Variants in KLHL32 observed in about 807,000 individuals in gnomAD.
KLHL32 encodes kelch-like protein 32.
A neutral mutation model predicts 64.8 loss-of-function variants in KLHL32; 35 were observed. That is an observed-to-expected ratio of 0.54 (90% CI 0.41 to 0.72). KLHL32 has a LOEUF of 0.72. Ranked by LOEUF, KLHL32 falls within the 30% of genes least tolerant of loss-of-function variation. KLHL32 has a pLI of 0.00. For synonymous variants in KLHL32, 259 were observed against 281.0 expected, an observed-to-expected ratio of 0.92 and a Z score of 0.78; for missense variants, 589 against 768.5, an observed-to-expected ratio of 0.77 and a Z score of 2.76.
At chr6:97,048,055 G>T (rs1786209639) in intron 4 of KLHL32, among the ~76,000 whole-genome samples, 1 of 152,146 alleles carries the variant, frequency 6.6e-6, no homozygotes, top group Non-Finnish European at 1.5e-5. Context: ...GTGGAGGAAG[G>T]GTTGAAACCT....
At chr6:96,997,109 G>T (rs542846487) in intron 3 of KLHL32, among the ~76,000 whole-genome samples, 1 of 152,128 alleles carries the variant, frequency 6.6e-6, no homozygotes, top group Non-Finnish European at 1.5e-5. Context: ...AAGGCTTGAG[G>T]TCTGGAGAGT....
At chr6:96,967,112 G>A in intron 2 of KLHL32, 29 bp downstream of exon 2, 1 of 1,606,890 alleles carries the variant, frequency 6.2e-7, no homozygotes. Flanking sequence ...GTCCTCACAT[G>A]CCGTAGTGAG....
intron 6 of KLHL32, among the ~76,000 whole-genome samples, chr6:97,087,673 T>G (rs1793626265): frequency 6.6e-6 from 1 of 152,140 alleles, no homozygotes; most frequent in South Asian, 2.1e-4. Context: ...ACCAGTAACT[T>G]AGATGAGAGC....
intron 1 of KLHL32, among the ~76,000 whole-genome samples, chr6:96,932,676 A>G (rs1262059197): frequency 6.8e-6 from 1 of 146,948 alleles, no homozygotes; most frequent in Non-Finnish European, 1.5e-5. Context: ...AAGCAATCCT[A>G]CCACCTCAGT....
intron 4 of KLHL32, among the ~76,000 whole-genome samples, chr6:97,048,677 G>A (rs1786326887): frequency 6.6e-6 from 1 of 152,066 alleles, no homozygotes; most frequent in Non-Finnish European, 1.5e-5. Flanking sequence ...ATTCCCCACA[G>A]CAGAATACTT....
At chr6:97,013,924 C>A (rs1349633873) in intron 3 of KLHL32, among the ~76,000 whole-genome samples, 2 of 152,150 alleles carry the variant, frequency 1.3e-5, no homozygotes, top group African/African-American at 4.8e-5. Flanking sequence ...AAAGTTTAAA[C>A]TGAAAAATTA....
intron 1 of KLHL32, among the ~76,000 whole-genome samples, chr6:96,933,369 T>C (rs903160712): frequency 1.3e-4 from 20 of 152,206 alleles, no homozygotes; most frequent in South Asian, 4.1e-4. Context: ...TCTTTGTTCA[T>C]GTGGAAACTT....
chr6:96,910,778 T>G, the KLHL32 span, among the ~76,000 whole-genome samples: 1 of 152,170 alleles, frequency 6.6e-6, no homozygotes, highest in Non-Finnish European at 1.5e-5. Flanking sequence ...TGGATTACCA[T>G]GAAGCAATTA....
Position 96,976,309 on chromosome 6 carries a change from C to T in KLHL32, c.204+132C>T, listed in dbSNP as rs566109532. 23 of 816,498 alleles carry T rather than the reference C, an allele frequency of 2.8e-5. 1 individual carries two copies. In the South Asian group the frequency reaches 5.1e-4, roughly 18 times the overall value. The allele number at this position is 816,498 out of a possible 1,614,324, so 50.6% of individuals were successfully genotyped here. On this transcript the variant is annotated intron_variant, in intron 3 of 10. Transcript: ENST00000369261. ...TGAATGGTGGGGGCCTTTGTTCTTTCCTGGGTAGAATGCTTCCTGGGGCCC... is the reference window on the plus strand; with the variant it reads ...TGAATGGTGGGGGCCTTTGTTCTTTTCTGGGTAGAATGCTTCCTGGGGCCC...
At chr6:97,009,423 A>C (rs1582689361) in intron 3 of KLHL32, among the ~76,000 whole-genome samples, 1 of 152,172 alleles carries the variant, frequency 6.6e-6, no homozygotes, top group African/African-American at 2.4e-5. Flanking sequence ...GGGCACCTAA[A>C]ACTCTCTTCA....
rs1051794201 is a variant in KLHL32, at chr6:97,005,380, A to G, written c.204+29203A>G. Among the ~76,000 whole-genome samples the G allele has an allele frequency of 2.0e-5, 3 of 151,244 alleles. No homozygotes were observed. The East Asian group carries it at 5.8e-4, about 29-fold the overall frequency. Reference sequence around the variant, plus strand: ...TTAGATCTTCTCTCTTTTTTTCTTTATTAATCTAGGTAGTGGTCTATCTCT... The same window carrying G: ...TTAGATCTTCTCTCTTTTTTTCTTTGTTAATCTAGGTAGTGGTCTATCTCT... On this transcript the variant is annotated intron_variant, in intron 3 of 10. Coordinates refer to ENST00000369261, the MANE Select transcript of KLHL32 (RefSeq NM_052904.4).
chr6:97,105,455 T>C (rs1467177181), intron 6 of KLHL32: 7 of 471,108 alleles, frequency 1.5e-5, no homozygotes, highest in Non-Finnish European at 3.1e-5. Flanking sequence ...GTGTGGAATT[T>C]GTGCTGCCTT....
At chr6:96,979,758 C>A (rs1450129713) in intron 3 of KLHL32, among the ~76,000 whole-genome samples, 1 of 152,116 alleles carries the variant, frequency 6.6e-6, no homozygotes, top group Admixed American at 6.5e-5. Context: ...GGCAGTATGG[C>A]CATTTTCACG....
At chr6:97,014,146 T>A (rs990421818) in intron 3 of KLHL32, among the ~76,000 whole-genome samples, 1 of 151,876 alleles carries the variant, frequency 6.6e-6, no homozygotes, top group East Asian at 1.9e-4. Flanking sequence ...TACAAAAAAT[T>A]AGCCGGGCGT....
At chr6:96,999,288 T>C (rs7767459) in intron 3 of KLHL32, among the ~76,000 whole-genome samples, 1,577 of 152,120 alleles carry the variant, frequency 0.01, 32 homozygotes, top group African/African-American at 0.037. Context: ...CCTCGCTCCT[T>C]GGGAGGCTAA....
At chr6:97,133,492 T>G (rs1238339201) in intron 10 of KLHL32, among the ~76,000 whole-genome samples, 4 of 152,200 alleles carry the variant, frequency 2.6e-5, no homozygotes, top group African/African-American at 9.7e-5. Flanking sequence ...AATCGCATCT[T>G]TATGGGAAGA....
At chr6:96,904,352 A>G in the KLHL32 span, among the ~76,000 whole-genome samples, 1 of 151,298 alleles carries the variant, frequency 6.6e-6, no homozygotes, top group Non-Finnish European at 1.5e-5. Flanking sequence ...AAAAAAAAAA[A>G]AAAAAAAGAA....
At chr6:96,968,903 G>A (rs1158472725) in intron 2 of KLHL32, among the ~76,000 whole-genome samples, 2 of 152,136 alleles carry the variant, frequency 1.3e-5, no homozygotes, top group East Asian at 3.8e-4. Context: ...TCCTCCTAGG[G>A]CATGGTTTTG....
At chr6:96,919,941 A>G (rs1246433905), upstream of KLHL32, among the ~76,000 whole-genome samples, 1 of 152,254 alleles carries the variant, frequency 6.6e-6, no homozygotes, top group African/African-American at 2.4e-5. Flanking sequence ...ATAACATTAG[A>G]GACCACAGGT....
Sources: allele counts gnomAD v4.1 joint callset (sites outside exome capture counted in the v4.1 genomes callset), GRCh38; gene constraint gnomAD v4.1.1; transcripts MANE v1.5; gene names NCBI Gene and HGNC (gene_info 2026-07-23, HGNC 2026-07-21).